The following CNTN5 variants were observed in gnomAD, a reference collection of about 807,000 sequenced individuals.
The protein encoded by CNTN5 is contactin 5, also known as contactin-5.
In CNTN5, 77 loss-of-function variants were observed where a neutral mutation model predicts 129.1. The ratio of observed to expected loss-of-function variants is 0.60; its 90% CI spans 0.50 to 0.72. CNTN5 has a LOEUF of 0.72. CNTN5 is among the 30% of genes least tolerant of loss of function. The probability of loss-of-function intolerance (pLI) is 0.00; values close to 1 mark genes in which losing one functional copy is unlikely to be tolerated. For synonymous variants in CNTN5, 509 were observed against 465.6 expected, an observed-to-expected ratio of 1.09 and a Z score of -1.20; for missense variants, 1,478 against 1,328.8, an observed-to-expected ratio of 1.11 and a Z score of -1.75.
intron 1 of CNTN5, among the ~76,000 whole-genome samples, chr11:99,246,015 G>A (rs1325456121): frequency 6.6e-6 from 1 of 152,146 alleles, no homozygotes; most frequent in Non-Finnish European, 1.5e-5. Flanking sequence ...GTTACAAGCA[G>A]TGACATGAAC....
intron 3 of CNTN5, among the ~76,000 whole-genome samples, chr11:99,750,296 C>T (rs1045347142): frequency 1.3e-5 from 2 of 151,952 alleles, no homozygotes; most frequent in East Asian, 1.9e-4. Context: ...TCTATCTTAC[C>T]TCTAAATAAG....
At chr11:99,618,579 T>C (rs193142748) in intron 3 of CNTN5, among the ~76,000 whole-genome samples, 2 of 152,300 alleles carry the variant, frequency 1.3e-5, no homozygotes, top group Non-Finnish European at 2.9e-5. Flanking sequence ...TTTCACTCAA[T>C]AGATGTTGCC....
intron 3 of CNTN5, among the ~76,000 whole-genome samples, chr11:99,664,447 G>C (rs773065904): frequency 6.6e-5 from 10 of 152,018 alleles, no homozygotes; most frequent in Non-Finnish European, 1.2e-4. Context: ...CGTGCTTTAG[G>C]GGCAAGGGTG....
chr11:100,109,385 C>T (rs1945568922), intron 13 of CNTN5, among the ~76,000 whole-genome samples: 1 of 152,152 alleles, frequency 6.6e-6, no homozygotes, highest in South Asian at 2.1e-4. Flanking sequence ...AAGATTGCGC[C>T]GCTGTCCTCT....
intron 3 of CNTN5, among the ~76,000 whole-genome samples, chr11:99,689,513 T>C (rs919770353): frequency 4.8e-5 from 5 of 104,066 alleles, no homozygotes; most frequent in Non-Finnish European, 8.7e-5. Context: ...GGCGACAGAG[T>C]GAGACTCCTC....
chr11:99,968,656 C>CTTTTTTTTTTTTTTTTT (rs71050037), intron 8 of CNTN5, among the ~76,000 whole-genome samples: 6 of 73,870 alleles, frequency 8.1e-5, no homozygotes, highest in Admixed American at 2.2e-4. Flanking sequence ...GCTTTGGGTA[C>CTTTTTTTTTTTTTTTTT]TTTTTTTTTT....
chr11:99,896,582 C>T (rs897409253), intron 6 of CNTN5, among the ~76,000 whole-genome samples: 7 of 152,284 alleles, frequency 4.6e-5, no homozygotes, highest in African/African-American at 1.7e-4. Context: ...CCTGCCTGAT[C>T]CCTACAATCA....
At chr11:99,712,407 A>T (rs976225656) in intron 3 of CNTN5, among the ~76,000 whole-genome samples, 5 of 152,014 alleles carry the variant, frequency 3.3e-5, no homozygotes, top group African/African-American at 4.8e-5. Flanking sequence ...GACTGCAAAA[A>T]TTTTCTCCCA....
chr11:99,938,591 A>G (rs1950366735), intron 7 of CNTN5, among the ~76,000 whole-genome samples: 1 of 152,130 alleles, frequency 6.6e-6, no homozygotes, highest in Admixed American at 6.5e-5. Flanking sequence ...ATACCAGTTG[A>G]ATTAGAATAA....
At chr11:99,037,737 G>A (rs952732238) in intron 1 of CNTN5, among the ~76,000 whole-genome samples, 15 of 151,284 alleles carry the variant, frequency 9.9e-5, no homozygotes, top group Non-Finnish European at 1.8e-4. Context: ...GCCCCACCAC[G>A]CACAGCTAAT....
At chr11:100,056,182 C>T (rs1413805340) in intron 9 of CNTN5, among the ~76,000 whole-genome samples, 1 of 151,490 alleles carries the variant, frequency 6.6e-6, no homozygotes, top group Non-Finnish European at 1.5e-5. Context: ...TCATTTTTAA[C>T]CCATGACTAT....
At chr11:100,144,824 T>C (rs1946799187) in intron 13 of CNTN5, among the ~76,000 whole-genome samples, 1 of 152,016 alleles carries the variant, frequency 6.6e-6, no homozygotes, top group African/African-American at 2.4e-5. Context: ...TACTTGGTTA[T>C]AATGTTAAAA....
Position 99,957,001 on chromosome 11 carries a change from G to T in CNTN5, c.869G>T (p.Arg290Leu), listed in dbSNP as rs773856381. 1.9e-6 allele frequency: 3 copies of T among 1,613,074 alleles called. No individual in the cohort carries two copies. Among genetic ancestry groups the T allele is most frequent in the Non-Finnish European group, 2.5e-6 (3 of 1,179,454 alleles). Residue 290 changes from arginine (R) to leucine (L), a missense_variant, in exon 8 of 25, where the codon CGT (arginine) becomes CTT (leucine). Physicochemically the swap from Arg to Leu is moderately radical, Grantham distance 102. Transcript: ENST00000524871. ...VLSPPTPLTL[R>L]NDGVMGEYEP... is the part of the protein sequence containing the mutation. Reference sequence around the variant, plus strand: ...AGTCCTCCAACGCCACTCACTCTGCGTAATGATGGTAAGTTGCTTGGCCCG... The same window carrying T: ...AGTCCTCCAACGCCACTCACTCTGCTTAATGATGGTAAGTTGCTTGGCCCG...
At chr11:100,117,087 A>C (rs192770402) in intron 13 of CNTN5, among the ~76,000 whole-genome samples, 5 of 152,168 alleles carry the variant, frequency 3.3e-5, no homozygotes, top group African/African-American at 1.2e-4. Context: ...ATAAAAAATA[A>C]AAGCAAATAC....
At chr11:99,330,995 A>AAT (rs1288616672) in intron 2 of CNTN5, among the ~76,000 whole-genome samples, 3 of 151,852 alleles carry the variant, frequency 2.0e-5, no homozygotes, top group Middle Eastern at 3.2e-3. Flanking sequence ...CACAAACACA[A>AAT]ATATATATAT....
chr11:99,171,162 C>T (rs1861131916), intron 1 of CNTN5, among the ~76,000 whole-genome samples: 1 of 151,918 alleles, frequency 6.6e-6, no homozygotes, highest in African/African-American at 2.4e-5. Context: ...GAGTTTTGTA[C>T]TTTATACTTG....
At chr11:100,152,849 A>AG (rs1947114824) in intron 13 of CNTN5, among the ~76,000 whole-genome samples, 1 of 152,078 alleles carries the variant, frequency 6.6e-6, no homozygotes, top group African/African-American at 2.4e-5. Context: ...GAGGAAACTA[A>AG]GGTTCAGAAA....
chr11:99,514,626 G>T (rs190485827), intron 2 of CNTN5, among the ~76,000 whole-genome samples: 73 of 152,142 alleles, frequency 4.8e-4, no homozygotes, highest in African/African-American at 1.7e-3. Context: ...TTTGCCAAAG[G>T]CTCAGATGAT....
chr11:99,459,250 G>T (rs1279001704), intron 2 of CNTN5, among the ~76,000 whole-genome samples: 1 of 151,862 alleles, frequency 6.6e-6, no homozygotes, highest in Non-Finnish European at 1.5e-5. Context: ...GGACTATGAA[G>T]GACATAAAAT....
Sources: allele counts gnomAD v4.1 joint callset (sites outside exome capture counted in the v4.1 genomes callset), GRCh38; gene constraint gnomAD v4.1.1; transcripts MANE v1.5; gene names NCBI Gene and HGNC (gene_info 2026-07-23, HGNC 2026-07-21).